Variants in GNPTAB observed in about 807,000 individuals in gnomAD.
The protein encoded by GNPTAB is N-acetylglucosamine-1-phosphate transferase subunits alpha and beta.
A neutral mutation model predicts 136.6 loss-of-function variants in GNPTAB; 92 were observed. That is an observed-to-expected ratio of 0.67 (90% CI 0.57 to 0.80). The LOEUF (loss-of-function observed/expected upper bound fraction) is 0.80. Ranked by LOEUF, GNPTAB falls within the 30% of genes least tolerant of loss-of-function variation. GNPTAB has a pLI of 0.00. For missense variants in GNPTAB, 1,343 were observed against 1,501.8 expected, an observed-to-expected ratio of 0.89 and a Z score of 1.75; for synonymous variants, 512 against 535.1, an observed-to-expected ratio of 0.96 and a Z score of 0.60.
chr12:101,807,444 G>C (rs1223080754), intron 1 of GNPTAB, among the ~76,000 whole-genome samples: 1 of 150,716 alleles, frequency 6.6e-6, no homozygotes, highest in Non-Finnish European at 1.5e-5. Context: ...GATGCAGTAA[G>C]ACAAAAAAAG....
chr12:101,758,156 A>G lies in GNPTAB; in HGVS notation c.3250-499T>C, dbSNP rs567765322. Among the ~76,000 whole-genome samples the G allele has an allele frequency of 3.7e-3, 551 of 150,696 alleles. 3 individuals are homozygous for G. The highest frequency in any genetic ancestry group is 0.013 in the African/African-American group (516 of 40,934). ...CGGGTTCAAGTGATTCTCCTGTCTC[A>G]GTTTCCCGAGTAGCTGGGATTACAG... On this transcript the variant is annotated intron_variant, in intron 16 of 20. Coordinates refer to ENST00000299314, the MANE Select transcript of GNPTAB (RefSeq NM_024312.5).
chr12:101,797,161 C>T (rs1482999684), intron 1 of GNPTAB, among the ~76,000 whole-genome samples: 3 of 152,058 alleles, frequency 2.0e-5, no homozygotes, highest in African/African-American at 4.8e-5. Flanking sequence ...TGGCTTTGTC[C>T]AGAAGACAGG....
chr12:101,763,345 T>C (rs1001946601), intron 13 of GNPTAB, among the ~76,000 whole-genome samples: 6 of 152,078 alleles, frequency 3.9e-5, no homozygotes, highest in Non-Finnish European at 8.8e-5. Context: ...AGGCACAAGA[T>C]ACTTCCTAAA....
chr12:101,782,141 C>G (rs1868381092), intron 5 of GNPTAB, among the ~76,000 whole-genome samples: 1 of 152,096 alleles, frequency 6.6e-6, no homozygotes, highest in African/African-American at 2.4e-5. Flanking sequence ...AGCTATTGTC[C>G]TGGATAAGAG....
intron 14 of GNPTAB, 26 bp downstream of exon 14, chr12:101,761,538 A>C: frequency 6.2e-7 from 1 of 1,605,888 alleles, no homozygotes; most frequent in Non-Finnish European, 8.5e-7. Context: ...ACACAAGCAA[A>C]CAACTCAAAC....
At position 101,786,006 on chromosome 12, in the gene GNPTAB, T is replaced by C. The variant is rs375794247; in HGVS notation, c.571+6A>G. 6.3e-6 allele frequency: 10 copies of C among 1,593,572 alleles called. No individual in the cohort carries two copies. The highest frequency in any genetic ancestry group is 8.6e-6 in the Non-Finnish European group (10 of 1,161,644). On this transcript the variant is annotated splice_donor_region_variant and intron_variant, in intron 5 of 20. Coordinates refer to ENST00000299314, the MANE Select transcript of GNPTAB (RefSeq NM_024312.5). The stretch of plus-strand genomic sequence containing the variant: ...TGATTTTAAAATATCCATAAAAAGA[T>C]CTTACCATCCTTAGTACTGTCAAAA...
intron 7 of GNPTAB, among the ~76,000 whole-genome samples, chr12:101,772,037 C>T (rs1953184734): frequency 6.6e-6 from 1 of 152,214 alleles, no homozygotes; most frequent in Admixed American, 6.5e-5. Context: ...GGAAAACTAC[C>T]TTTTGGGGCA....
intron 14 of GNPTAB, 80 bp downstream of exon 14, chr12:101,761,484 T>C: frequency 6.8e-7 from 1 of 1,468,948 alleles, no homozygotes; most frequent in Non-Finnish European, 9.5e-7. Context: ...GAGCTATAAA[T>C]TTAGCATGGT....
chr12:101,797,206 A>T (rs1176252086), intron 1 of GNPTAB, among the ~76,000 whole-genome samples: 1 of 152,144 alleles, frequency 6.6e-6, no homozygotes, highest in Non-Finnish European at 1.5e-5. Flanking sequence ...TAGGAAAGAA[A>T]GCTGGGCCCT....
At chr12:101,771,246 C>CTTT (rs367687458) in intron 7 of GNPTAB, 89 bp from the exon 8 acceptor site, 279 of 876,840 alleles carry the variant, frequency 3.2e-4, no homozygotes, top group African/African-American at 1.1e-3. Flanking sequence ...TTAATCTTTC[C>CTTT]TTTTTTTTTT....
intron 5 of GNPTAB, among the ~76,000 whole-genome samples, chr12:101,783,202 T>G (rs1417285431): frequency 6.6e-6 from 1 of 151,918 alleles, no homozygotes; most frequent in East Asian, 1.9e-4. Flanking sequence ...CAGGGAACAG[T>G]ACCTGGCACA....
chr12:101,780,410 T>C (rs1953324258), intron 6 of GNPTAB, 124 bp from the exon 7 acceptor site: 5 of 1,175,642 alleles, frequency 4.3e-6, no homozygotes, highest in Non-Finnish European at 6.3e-6. Flanking sequence ...ATTTTTAGGA[T>C]TACTTGAATC....
At chr12:101,794,163 A>G (rs10492086) in intron 2 of GNPTAB, among the ~76,000 whole-genome samples, 29,528 of 152,122 alleles carry the variant, frequency 0.19, 2,942 homozygotes, top group African/African-American at 0.24. Context: ...TTTTAGAACC[A>G]AAGAGTTGGA....
rs764761611 is a variant in GNPTAB, at chr12:101,766,303, C to G, written c.1409-9G>C. 2 of 1,610,148 alleles carry G rather than the reference C, an allele frequency of 1.2e-6. No homozygotes were observed. The highest frequency in any genetic ancestry group is 1.7e-6 in the Non-Finnish European group (2 of 1,176,574). On this transcript the variant is annotated splice_polypyrimidine_tract_variant and intron_variant, in intron 11 of 20. Coordinates refer to ENST00000299314, the MANE Select transcript of GNPTAB (RefSeq NM_024312.5). ...ACTCCCTCCACTGTTTCCTGTAGAT[C>G]GGAGGAAGAAGAGGGATTCTTGCTG...
At chr12:101,793,882 G>A (rs368559996) in intron 2 of GNPTAB, among the ~76,000 whole-genome samples, 4 of 151,940 alleles carry the variant, frequency 2.6e-5, no homozygotes, top group East Asian at 3.9e-4. Context: ...TTGCTCTGTC[G>A]CCCAGGCTGG....
At chr12:101,791,144 A>G (rs1462509359) in intron 2 of GNPTAB, among the ~76,000 whole-genome samples, 2 of 152,192 alleles carry the variant, frequency 1.3e-5, no homozygotes, top group African/African-American at 2.4e-5. Context: ...TCTTGTCCTC[A>G]TAATAAAGAG....
chr12:101,771,514 G>A (rs1348106173), intron 7 of GNPTAB, among the ~76,000 whole-genome samples: 1 of 152,170 alleles, frequency 6.6e-6, no homozygotes, highest in Non-Finnish European at 1.5e-5. Flanking sequence ...AAAGTGCTGG[G>A]ATTACAGGCG....
At position 101,757,656 on chromosome 12, in the gene GNPTAB, G is replaced by C. The variant is rs777758175; in HGVS notation, c.3251C>G (p.Pro1084Arg). The change falls in exon 17 of 21, where the codon CCA becomes CGA. Residue 1084 changes from proline (P) to arginine (R), a missense_variant and splice_region_variant. Coordinates refer to ENST00000299314, the MANE Select transcript of GNPTAB (RefSeq NM_024312.5). Reference protein sequence around the residue: ...TQESYYDPNLPPVTKSLVTNC... With the variant: ...TQESYYDPNLRPVTKSLVTNC... ...TGTTACTAGACTTTTAGTGACCGGT[G>C]GCTATGAGAAAATATAAGTAGATCA... 1.3e-6 allele frequency: 2 copies of C among 1,501,198 alleles called. No homozygotes were observed. The highest frequency in any genetic ancestry group is 1.9e-6 in the Non-Finnish European group (2 of 1,077,856). The allele number at this position is 1,501,198 out of a possible 1,614,324, so 93.0% of individuals were successfully genotyped here.
chr12:101,753,668 T>A, intron 18 of GNPTAB, 129 bp from the exon 19 acceptor site: 1 of 770,590 alleles, frequency 1.3e-6, no homozygotes, highest in South Asian at 1.6e-5. Context: ...CTGATATGAT[T>A]CTCTGGGGGA....
Sources: gnomAD v4.1 joint callset for allele counts (sites outside exome capture counted in the v4.1 genomes callset) on GRCh38, gnomAD v4.1.1 for gene constraint, MANE v1.5 for transcripts, NCBI Gene and HGNC (gene_info 2026-07-23, HGNC 2026-07-21) for gene names.